Variants in GABRG3 observed in about 807,000 individuals in gnomAD.
GABRG3 encodes gamma-aminobutyric acid receptor subunit gamma-3.
Under a neutral mutation model 48.8 loss-of-function variants are expected in GABRG3, and 25 were observed. The observed-to-expected ratio is 0.51, with a 90% CI of 0.37 to 0.72. GABRG3 has a LOEUF of 0.72. GABRG3 is among the 30% of genes least tolerant of loss of function. The pLI is 0.00. For missense variants in GABRG3, 394 were observed against 577.9 expected, an observed-to-expected ratio of 0.68 and a Z score of 3.26; for synonymous variants, 227 against 217.6, an observed-to-expected ratio of 1.04 and a Z score of -0.38.
intron 6 of GABRG3, chr15:27,481,032 T>C (rs1890089696): frequency 3.1e-6 from 4 of 1,308,896 alleles, no homozygotes; most frequent in Non-Finnish European, 3.9e-6. Context: ...AACCTAGCTA[T>C]AAACTTAACC....
At chr15:27,278,098 C>T (rs1170578443) in intron 3 of GABRG3, among the ~76,000 whole-genome samples, 1 of 151,538 alleles carries the variant, frequency 6.6e-6, no homozygotes, top group African/African-American at 2.4e-5. Flanking sequence ...GTTGCCCAGG[C>T]TGGAGTAAAG....
At chr15:27,433,587 C>T (rs1318147055) in intron 5 of GABRG3, among the ~76,000 whole-genome samples, 1 of 152,194 alleles carries the variant, frequency 6.6e-6, no homozygotes, top group Admixed American at 6.5e-5. Context: ...AGAGCTTCCC[C>T]TCTGGTGGCT....
At chr15:27,399,886 C>T (rs755589978) in intron 5 of GABRG3, among the ~76,000 whole-genome samples, 27 of 152,258 alleles carry the variant, frequency 1.8e-4, no homozygotes, top group East Asian at 5.8e-4. Flanking sequence ...GATGCTCTTT[C>T]GAAACTCAAG....
At chr15:27,482,929 G>A (rs1890134790) in intron 6 of GABRG3, 1 of 152,136 alleles carries the variant, frequency 6.6e-6, no homozygotes, top group Non-Finnish European at 1.5e-5. Context: ...CCATGCTTTG[G>A]GCACAGCCCT....
chr15:27,204,045 C>G (rs1402188896), intron 3 of GABRG3, among the ~76,000 whole-genome samples: 1 of 152,030 alleles, frequency 6.6e-6, no homozygotes, highest in African/African-American at 2.4e-5. Flanking sequence ...TGCATAAACT[C>G]TTTAGTTTAA....
chr15:27,308,366 C>CATATA (rs1555370348), intron 3 of GABRG3, among the ~76,000 whole-genome samples: 1 of 129,622 alleles, frequency 7.7e-6, no homozygotes, highest in East Asian at 2.6e-4. Flanking sequence ...TATATATAAA[C>CATATA]ATATAAACAT....
Position 27,500,390 on chromosome 15 carries a change from C to T in GABRG3, c.713-19582C>T, listed in dbSNP as rs777717785. Reference sequence around the variant, plus strand: ...CCGCCCTGACTTCCCTCCTGCTCCACGCTGTCAGCTACGTTTCCCACCGCG... The same window carrying T: ...CCGCCCTGACTTCCCTCCTGCTCCATGCTGTCAGCTACGTTTCCCACCGCG... On this transcript the variant is annotated intron_variant, in intron 6 of 9. Transcript: ENST00000615808. Among the ~76,000 whole-genome samples the T allele has an allele frequency of 5.3e-5, 8 of 151,460 alleles. No individual in the cohort carries two copies. The East Asian group carries it at 7.8e-4, about 15-fold the overall frequency.
At chr15:27,506,791 GTTTTT>G (rs553904585) in intron 6 of GABRG3, among the ~76,000 whole-genome samples, 1 of 149,920 alleles carries the variant, frequency 6.7e-6, no homozygotes, top group African/African-American at 2.4e-5. Context: ...CAACTTTTGG[GTTTTT>G]TTTTCTTTTA....
At chr15:27,353,001 C>T (rs942247609) in intron 5 of GABRG3, among the ~76,000 whole-genome samples, 3 of 152,126 alleles carry the variant, frequency 2.0e-5, no homozygotes, top group South Asian at 2.1e-4. Context: ...ACAAACCTCC[C>T]GACTTCTGTG....
At position 27,149,458 on chromosome 15, in the gene GABRG3, C is replaced by CT. The variant is rs908837962; in HGVS notation, c.270+122645dup. On this transcript the variant is annotated intron_variant, in intron 3 of 9. Transcript: ENST00000615808. Reference sequence around the variant, plus strand: ...GAATCCCTGTCAAAATCTCAGCCTCCTTTTTTTTGCAGAAATTGACAAGCT... The same window carrying CT: ...GAATCCCTGTCAAAATCTCAGCCTCCTTTTTTTTTGCAGAAATTGACAAGCT... Among the ~76,000 whole-genome samples the CT allele has an allele frequency of 2.0e-3, 301 of 151,848 alleles. 3 individuals carry two copies. Among genetic ancestry groups the CT allele is most frequent in the African/African-American group, 6.9e-3 (285 of 41,454 alleles).
rs1894674389 is a variant in GABRG3, at chr15:27,352,891, G to T, written c.574+24003G>T. On this transcript the variant is annotated intron_variant, in intron 5 of 9. Transcript: ENST00000615808. The surrounding 1 kb of genome is among the most constrained non-coding windows in gnomAD (Gnocchi z 4.0). The stretch of plus-strand genomic sequence containing the variant: ...GCACATGCTCACTTGGTAAGTCATT[G>T]CATCTGCATTATCTTATCATCACGA... Among the ~76,000 whole-genome samples the T allele has an allele frequency of 6.6e-6, 1 of 152,142 alleles. No individual in the cohort carries two copies. The highest frequency in any genetic ancestry group is 2.4e-5 in the African/African-American group (1 of 41,418).
intron 3 of GABRG3, among the ~76,000 whole-genome samples, chr15:27,189,932 T>A (rs1341805522): frequency 6.6e-6 from 1 of 152,186 alleles, no homozygotes; most frequent in Non-Finnish European, 1.5e-5. Flanking sequence ...GTTTTTAGCA[T>A]GAAGTGTTGT....
rs932974320 is a variant in GABRG3, at chr15:27,447,688, C to T, written c.575-32962C>T. On this transcript the variant is annotated intron_variant, in intron 5 of 9. Coordinates refer to ENST00000615808, the MANE Select transcript of GABRG3 (RefSeq NM_033223.5). The surrounding 1 kb of genome is among the most constrained non-coding windows in gnomAD (Gnocchi z 4.0). ...ATGCAGCCATAAAAAAGGATGAGTT[C>T]ATTTCCTTTGCAGAGACATGGATGA... is the stretch of plus-strand genomic sequence containing the variant. Among the ~76,000 whole-genome samples, 8 of 152,188 alleles carry T rather than the reference C, an allele frequency of 5.3e-5. No homozygotes were observed. The highest frequency in any genetic ancestry group is 1.0e-4 in the Non-Finnish European group (7 of 68,040).
rs8032768 is a variant in GABRG3 at position 27,507,370 on chromosome 15, G to T, written c.713-12602G>T. Among the ~76,000 whole-genome samples the T allele has an allele frequency of 4.8e-3, 733 of 152,200 alleles. 7 individuals are homozygous for T. Among genetic ancestry groups the T allele is most frequent in the African/African-American group, 0.017 (702 of 41,522 alleles). On this transcript the variant is annotated intron_variant, in intron 6 of 9. Coordinates refer to ENST00000615808, the MANE Select transcript of GABRG3 (RefSeq NM_033223.5). Reference sequence around the variant, plus strand: ...AATACAAAAATTAGCCAGGCGTGGTGGTGTGAGCCTGTAGTCTCAGCTACT... The same window carrying T: ...AATACAAAAATTAGCCAGGCGTGGTTGTGTGAGCCTGTAGTCTCAGCTACT...
chr15:27,480,088 A>C (rs1890060568), intron 5 of GABRG3, among the ~76,000 whole-genome samples: 1 of 152,228 alleles, frequency 6.6e-6, no homozygotes, highest in African/African-American at 2.4e-5. Flanking sequence ...CACCAGGCTT[A>C]CCCTTCCTGG....
At chr15:27,090,822 A>G (rs1353771602) in intron 3 of GABRG3, among the ~76,000 whole-genome samples, 1 of 152,130 alleles carries the variant, frequency 6.6e-6, no homozygotes, top group Non-Finnish European at 1.5e-5. Flanking sequence ...TTGCTGGCAT[A>G]TGAAATTGGT....
At chr15:27,002,867 A>AGGT (rs1282985001) in intron 2 of GABRG3, among the ~76,000 whole-genome samples, 1 of 151,894 alleles carries the variant, frequency 6.6e-6, no homozygotes, top group Non-Finnish European at 1.5e-5. Flanking sequence ...TGGGAGGCTG[A>AGGT]GGTGGGAGGA....
intron 6 of GABRG3, among the ~76,000 whole-genome samples, chr15:27,506,412 T>C (rs111526972): frequency 6.6e-5 from 10 of 152,282 alleles, no homozygotes; most frequent in African/African-American, 2.4e-4. Context: ...ATGGTCTTGC[T>C]GGCTTAAATA....
At chr15:27,224,784 C>T (rs185210725) in intron 3 of GABRG3, among the ~76,000 whole-genome samples, 10 of 152,334 alleles carry the variant, frequency 6.6e-5, no homozygotes, top group African/African-American at 2.2e-4. Flanking sequence ...TATAGGATAA[C>T]GTTAGTGTAT....
Sources: gnomAD v4.1 joint callset for allele counts (sites outside exome capture counted in the v4.1 genomes callset) on GRCh38, gnomAD v4.1.1 for gene constraint, Gnocchi (gnomAD v3.1) non-coding constraint, MANE v1.5 for transcripts, NCBI Gene and HGNC (gene_info 2026-07-23, HGNC 2026-07-21) for gene names.